The following GRHL3 variants were observed in gnomAD, a reference collection of about 807,000 sequenced individuals.
The protein encoded by GRHL3 is grainyhead-like protein 3 homolog.
A neutral mutation model predicts 70.3 loss-of-function variants in GRHL3; 20 were observed. The observed-to-expected ratio is 0.28, with a 90% CI of 0.20 to 0.41. The LOEUF (loss-of-function observed/expected upper bound fraction) is 0.41, where lower values mean the gene tolerates loss of function less well. GRHL3 is among the 10% of genes least tolerant of loss of function. The pLI, the probability that GRHL3 is intolerant of heterozygous loss-of-function variation, is 1.00. For missense variants in GRHL3, 637 were observed against 762.3 expected (o/e 0.84, Z 1.94); for synonymous variants, 299 against 299.9 (o/e 1.00, Z 0.03).
At chr1:24,346,354 C>A (rs1245323417) in intron 12 of GRHL3, among the ~76,000 whole-genome samples, 199 bp from the exon 13 acceptor site, 4 of 152,188 alleles carry the variant, frequency 2.6e-5, no homozygotes, top group African/African-American at 9.7e-5. Flanking sequence ...AGGTCACACA[C>A]CTAGTGCGTG....
At chr1:24,343,379 T>G in intron 11 of GRHL3, 1 of 245,804 alleles carries the variant, frequency 4.1e-6, no homozygotes, top group Non-Finnish European at 8.0e-6. Context: ...CTCTGAGCGC[T>G]TCCCAGGCAT....
At position 24,354,601 on chromosome 1, in the gene GRHL3, T is replaced by C; in HGVS notation, c.*113T>C. The C allele has an allele frequency of 2.9e-6, 2 of 689,954 alleles. No individual in the cohort carries two copies. The highest frequency in any genetic ancestry group is 1.7e-5 in the South Asian group (1 of 59,094). 42.7% of individuals were successfully genotyped at this position (689,954 alleles called of 1,614,324 possible). On this transcript the variant is annotated 3_prime_UTR_variant, in exon 16 of 16. Transcript: ENST00000361548. ...AGCGCTGTTACTTGAATGCCTTCCC[T>C]GAGGGAAGAGGCCCTTGAGTCACAG...
intron 1 of GRHL3, 87 bp downstream of exon 1, chr1:24,319,655 C>T: frequency 6.2e-7 from 1 of 1,610,248 alleles, no homozygotes; most frequent in Non-Finnish European, 8.5e-7. Flanking sequence ...GGGAGGCCGG[C>T]ACCGGGATTC....
chr1:24,350,958 C>T (rs1640481664), intron 15 of GRHL3, among the ~76,000 whole-genome samples: 1 of 152,208 alleles, frequency 6.6e-6, no homozygotes, highest in Non-Finnish European at 1.5e-5. Context: ...GCTAGTGAGC[C>T]TGTCCTCTGC....
chr1:24,324,830 C>A (rs59008259), intron 1 of GRHL3, among the ~76,000 whole-genome samples: 4 of 152,284 alleles, frequency 2.6e-5, no homozygotes, highest in Admixed American at 2.6e-4. Flanking sequence ...TGAGTTCATA[C>A]TGCCTCATGC....
Position 24,342,310 on chromosome 1 carries a change from G to A in GRHL3, c.1206+37G>A. ...GGGCAGACCCTATACTGGGTCCCGGGGAGGTAGAAGGGCCAAACCCTGACC... is the reference window on the plus strand; with the variant it reads ...GGGCAGACCCTATACTGGGTCCCGGAGAGGTAGAAGGGCCAAACCCTGACC... On this transcript the variant is annotated intron_variant, in intron 9 of 15. Coordinates refer to ENST00000361548, the MANE Select transcript of GRHL3 (RefSeq NM_198173.3). The surrounding 1 kb of genome is among the most constrained non-coding windows in gnomAD (Gnocchi z 4.8). The A allele has an allele frequency of 6.5e-7, 1 of 1,542,024 alleles. No individual in the cohort carries two copies. The highest frequency in any genetic ancestry group is 8.8e-7 in the Non-Finnish European group (1 of 1,138,752).
chr1:24,364,287 T>C, exon 16 of GRHL3: 1 of 1,549,616 alleles, frequency 6.5e-7, no homozygotes, highest in Non-Finnish European at 8.7e-7. Flanking sequence ...GTTTTGGAGA[T>C]GGATTTTGGA....
intron 7 of GRHL3, among the ~76,000 whole-genome samples, chr1:24,339,426 C>T (rs140946813): frequency 1.3e-5 from 2 of 152,244 alleles, no homozygotes; most frequent in African/African-American, 4.8e-5. Flanking sequence ...ACTACAGGCG[C>T]CTGCCACCAT....
chr1:24,319,789 G>A lies in GRHL3; in HGVS notation c.17+221G>A. 3.6e-6 allele frequency: 5 copies of A among 1,398,786 alleles called. No individual in the cohort carries two copies. The South Asian group carries it at 7.2e-5, about 20-fold the overall frequency. The allele number at this position is 1,398,786 out of a possible 1,614,324, so 86.6% of individuals were successfully genotyped here. On this transcript the variant is annotated intron_variant, in intron 1 of 15. Transcript: ENST00000361548. ...GAAAATAGTTTTTCTCATTCTCTTT[G>A]CTGAGCAGTTTCGAGCCAGGCAGGG...
intron 1 of GRHL3, among the ~76,000 whole-genome samples, chr1:24,323,355 T>A (rs1208800758): frequency 6.6e-6 from 1 of 152,162 alleles, no homozygotes; most frequent in African/African-American, 2.4e-5. Context: ...CTCAGCGTTA[T>A]GTGTTTTCAC....
intron 2 of GRHL3, among the ~76,000 whole-genome samples, chr1:24,333,252 T>A (rs558326273): frequency 1.1e-4 from 16 of 152,210 alleles, no homozygotes; most frequent in Non-Finnish European, 2.1e-4. Context: ...TGACATGGTC[T>A]GATGGTGTGG....
chr1:24,348,848 G>T (rs1411133738), intron 14 of GRHL3, among the ~76,000 whole-genome samples: 2 of 152,244 alleles, frequency 1.3e-5, no homozygotes, highest in African/African-American at 4.8e-5. Flanking sequence ...TAACTGAGAA[G>T]CTGAACCTGA....
At chr1:24,363,657 A>G (rs1641267349) in intron 15 of GRHL3, among the ~76,000 whole-genome samples, 1 of 152,260 alleles carries the variant, frequency 6.6e-6, no homozygotes, top group South Asian at 2.1e-4. Flanking sequence ...AAAAACATGA[A>G]ATCTGTTCGA....
In GRHL3 at chr1:24,344,377, G is replaced by A. The variant is rs376131055; in HGVS notation, c.1420-520G>A. Reference sequence around the variant, plus strand: ...TTAGTGGCACACACCTGTAATCCCAGCTACTTGGGAAGCTGAGGCCGCAGG... The same window carrying A: ...TTAGTGGCACACACCTGTAATCCCAACTACTTGGGAAGCTGAGGCCGCAGG... On this transcript the variant is annotated intron_variant, in intron 11 of 15. Transcript: ENST00000361548. Among the ~76,000 whole-genome samples, 46 of 150,434 alleles carry A rather than the reference G, an allele frequency of 3.1e-4. No homozygotes were observed. The South Asian group carries it at 4.6e-3, about 15-fold the overall frequency.
chr1:24,335,435 G>A (rs1344344105), intron 3 of GRHL3, among the ~76,000 whole-genome samples: 1 of 152,204 alleles, frequency 6.6e-6, no homozygotes, highest in African/African-American at 2.4e-5. Flanking sequence ...TGACCCTGTA[G>A]GGCCTCTGCT....
chr1:24,322,940 C>T lies in GRHL3; in HGVS notation c.17+3372C>T. On this transcript the variant is annotated intron_variant, in intron 1 of 15. Coordinates refer to ENST00000361548, the MANE Select transcript of GRHL3 (RefSeq NM_198173.3). This position sits in a 1 kb window ranked among gnomAD's most constrained non-coding sequence, Gnocchi z 4.4. ...GGGACCCAGACCTGGTTCAGGCTTGCCCAAGGTCTCACGGAAGCACTGGGA... is the reference window on the plus strand; with the variant it reads ...GGGACCCAGACCTGGTTCAGGCTTGTCCAAGGTCTCACGGAAGCACTGGGA... 2.9e-6 allele frequency: 2 copies of T among 680,208 alleles called. No individual in the cohort carries two copies. Among genetic ancestry groups the T allele is most frequent in the East Asian group, 2.7e-5 (1 of 36,660 alleles). 42.1% of individuals were successfully genotyped at this position (680,208 alleles called of 1,614,324 possible).
intron 11 of GRHL3, 85 bp from the exon 12 acceptor site, chr1:24,344,812 A>G (rs1640179849): frequency 6.6e-7 from 1 of 1,504,996 alleles, no homozygotes; most frequent in Non-Finnish European, 9.2e-7. Context: ...CACCAAAAAT[A>G]TTCCTCCCAG....
chr1:24,351,335 G>C (rs12024148), intron 15 of GRHL3, among the ~76,000 whole-genome samples: 37,643 of 151,944 alleles, frequency 0.25, 5,291 homozygotes, highest in East Asian at 0.43. Flanking sequence ...CCTCCTCCTT[G>C]GTTCCTTCCT....
At chr1:24,347,917 G>A (rs893814890) in intron 14 of GRHL3, among the ~76,000 whole-genome samples, 1 of 152,176 alleles carries the variant, frequency 6.6e-6, no homozygotes, top group Non-Finnish European at 1.5e-5. Flanking sequence ...TCTTTCCCAG[G>A]GGGCCTCATT....
Sources: gnomAD v4.1 joint callset for allele counts (sites outside exome capture counted in the v4.1 genomes callset) on GRCh38, gnomAD v4.1.1 for gene constraint, Gnocchi (gnomAD v3.1) non-coding constraint, MANE v1.5 for transcripts, NCBI Gene and HGNC (gene_info 2026-07-23, HGNC 2026-07-21) for gene names.